Variants in MYH2 observed in about 807,000 individuals in gnomAD.
MYH2 encodes myosin-2.
MYH2 carries 139 observed loss-of-function variants against 228.1 expected under a neutral mutation model. That is an observed-to-expected ratio of 0.61 (90% CI 0.53 to 0.70). The LOEUF (loss-of-function observed/expected upper bound fraction) is 0.70, where lower values mean the gene tolerates loss of function less well. Ranked by LOEUF, MYH2 falls within the 30% of genes least tolerant of loss-of-function variation. MYH2 has a pLI of 0.00. For missense variants in MYH2, 1,809 were observed against 2,357.5 expected (o/e 0.77, Z 4.82); for synonymous variants, 796 against 871.1 (o/e 0.91, Z 1.52).
At chr17:10,521,513 G>C in intron 39 of MYH2, 81 bp from the exon 40 acceptor site, 1 of 1,466,988 alleles carries the variant, frequency 6.8e-7, no homozygotes, top group Non-Finnish European at 9.5e-7. Flanking sequence ...AAAGGACTTG[G>C]CATCTATGGA....
intron 28 of MYH2, 78 bp from the exon 29 acceptor site, chr17:10,527,134 A>T (rs2142296154): frequency 7.4e-7 from 1 of 1,348,834 alleles, no homozygotes; most frequent in Non-Finnish European, 1.1e-6. Flanking sequence ...AGAAATTTTG[A>T]CTCTTATTTT....
At chr17:10,530,213 A>C (rs2073409084) in intron 22 of MYH2, 139 bp from the exon 23 acceptor site, 3 of 1,412,662 alleles carry the variant, frequency 2.1e-6, no homozygotes, top group Non-Finnish European at 3.0e-6. Context: ...TGTTTCATGA[A>C]CCACCCTACT....
chr17:10,529,698 T>C lies in MYH2; in HGVS notation c.2983A>G (p.Ile995Val), dbSNP rs2142300485. ...TEEMAGLDET[I>V]AKLTKEKKAL... ...TTCTTCTCCTTGGTCAGCTTAGCAA[T>C]GGTTTCATCCAGACCTGCCATCTCT... Residue 995 changes from isoleucine to valine, a missense_variant, in exon 24 of 40, where the codon ATT becomes GTT. Physicochemically the swap from Ile to Val is conservative, Grantham distance 29 (BLOSUM62 3). Around this residue, in one of 9 missense-constraint regions of MYH2, gnomAD observed 636 missense variants for 729.9 expected, o/e 0.87. Transcript: ENST00000245503. The C allele has an allele frequency of 1.9e-6, 3 of 1,613,984 alleles. No homozygotes were observed. The highest frequency in any genetic ancestry group is 2.5e-6 in the Non-Finnish European group (3 of 1,180,030).
In MYH2 at chr17:10,529,205, T is replaced by C; in HGVS notation, c.3311A>G (p.Gln1104Arg). The change falls in exon 26 of 40, where the codon CAG becomes CGG. Residue 1104 changes from glutamine (Q) to arginine (R), a missense_variant. Gln to Arg is a conservative substitution (Grantham distance 43). Transcript: ENST00000245503. ...SNLQSKIEDEQALGIQLQKKI... is the reference protein window; with the variant it reads ...SNLQSKIEDERALGIQLQKKI... Reference sequence around the variant, plus strand: ...CTTCTGCAATTGAATGCCAAGTGCCTGTTCATCTTCAATCTTGCTTTGCAG... The same window carrying C: ...CTTCTGCAATTGAATGCCAAGTGCCCGTTCATCTTCAATCTTGCTTTGCAG... The C allele has an allele frequency of 1.5e-5, 24 of 1,614,272 alleles. No individual in the cohort carries two copies. The highest frequency in any genetic ancestry group is 1.9e-5 in the Non-Finnish European group (23 of 1,180,056).
Position 10,531,669 on chromosome 17 carries a change from C to T in MYH2, c.2661G>A (p.Leu887=), listed in dbSNP as rs1049260169. 13 of 1,614,042 alleles carry T rather than the reference C, an allele frequency of 8.1e-6. No individual in the cohort carries two copies. Among genetic ancestry groups the T allele is most frequent in the Non-Finnish European group, 1.1e-5 (13 of 1,180,028 alleles). ...GGAGCTGCAAGTCATTTTTTTCTTT[C>T]AACAGCGTCACCATCTTTTCTTCCA... is the stretch of plus-strand genomic sequence containing the variant. ...KELEEKMVTL[L]KEKNDLQLQV... is the part of the protein sequence containing the mutation. Residue 887 remains leucine, a synonymous_variant, in exon 22 of 40, where the codon TTG becomes TTA. Coordinates refer to ENST00000245503, the MANE Select transcript of MYH2 (RefSeq NM_017534.6).
intron 14 of MYH2, among the ~76,000 whole-genome samples, chr17:10,538,908 G>A (rs938265811): frequency 3.3e-5 from 5 of 151,980 alleles, no homozygotes; most frequent in Non-Finnish European, 7.4e-5. Context: ...AATTATTAAC[G>A]TTTCTCAGCT....
At position 10,525,822 on chromosome 17, in the gene MYH2, G is replaced by C; in HGVS notation, c.4242C>G (p.Asn1414Lys). The C allele has an allele frequency of 6.2e-7, 1 of 1,614,108 alleles. No homozygotes were observed. Among genetic ancestry groups the C allele is most frequent in the Non-Finnish European group, 8.5e-7 (1 of 1,180,022 alleles). Residue 1414 changes from asparagine to lysine, a missense_variant, in exon 31 of 40, where the codon AAC becomes AAG. Physicochemically the swap from Asn to Lys is moderately conservative, Grantham distance 94 (BLOSUM62 0). This residue lies in a region of MYH2 where 636 missense variants were observed against 729.9 expected (regional missense o/e 0.87). Coordinates refer to ENST00000245503, the MANE Select transcript of MYH2 (RefSeq NM_017534.6). This position sits in a 1 kb window ranked among gnomAD's most constrained non-coding sequence, Gnocchi z 4.2. The stretch of plus-strand genomic sequence containing the variant: ...TCTTTTCGAGGGAAGCACATTTGGC[G>C]TTCACAGCTTCTACATGTTCCTCAG... Reference protein sequence around the residue: ...QAAEEHVEAVNAKCASLEKTK... With the variant: ...QAAEEHVEAVKAKCASLEKTK...
At chr17:10,529,525 T>C in intron 24 of MYH2, 39 bp downstream of exon 24, 1 of 1,614,216 alleles carries the variant, frequency 6.2e-7, no homozygotes, top group Non-Finnish European at 8.5e-7. Flanking sequence ...CTTATCTTCC[T>C]TTAGAAGAAA....
intron 2 of MYH2, among the ~76,000 whole-genome samples, chr17:10,548,689 C>G (rs2073664734): frequency 6.6e-6 from 1 of 152,176 alleles, no homozygotes; most frequent in Admixed American, 6.5e-5. Context: ...TCTTCTACAT[C>G]TAAGGGCTCC....
chr17:10,526,044 C>T (rs528007800), intron 30 of MYH2, among the ~76,000 whole-genome samples, 168 bp from the exon 31 acceptor site: 31 of 152,280 alleles, frequency 2.0e-4, no homozygotes, highest in African/African-American at 6.5e-4. Context: ...ACACTGGCTA[C>T]GCAGCAGTGA....
chr17:10,537,959 G>C lies in MYH2; in HGVS notation c.1417-124C>G. 6.6e-7 allele frequency: 1 copy of C among 1,511,224 alleles called. No homozygotes were observed. The highest frequency in any genetic ancestry group is 1.2e-5 in the South Asian group (1 of 82,612). The allele number at this position is 1,511,224 out of a possible 1,614,324, so 93.6% of individuals were successfully genotyped here. ...ATATTACAGATATTAAAATCACTGGGTTAAAGAGACTTTGAAATAAAAGGT... is the reference window on the plus strand; with the variant it reads ...ATATTACAGATATTAAAATCACTGGCTTAAAGAGACTTTGAAATAAAAGGT... On this transcript the variant is annotated intron_variant, in intron 14 of 39. Coordinates refer to ENST00000245503, the MANE Select transcript of MYH2 (RefSeq NM_017534.6). The surrounding 1 kb of genome is among the most constrained non-coding windows in gnomAD (Gnocchi z 4.0).
rs2142303234 is a variant in MYH2 at position 10,531,695 on chromosome 17, G to A, written c.2635C>T (p.Leu879=). The change falls in exon 22 of 40, where the codon CTG becomes TTG. Residue 879 remains leucine, a synonymous_variant. Transcript: ENST00000245503. The part of the protein sequence containing the change: ...LAKSEAKRKE[L]EEKMVTLLKE... ...AACAGCGTCACCATCTTTTCTTCCA[G>A]TTCCTTCCTTTTTGCCTCTGACTTG... 3 of 1,614,124 alleles carry A rather than the reference G, an allele frequency of 1.9e-6. No homozygotes were observed. Among genetic ancestry groups the A allele is most frequent in the Non-Finnish European group, 2.5e-6 (3 of 1,180,028 alleles).
chr17:10,521,520 T>C, intron 39 of MYH2, 88 bp from the exon 40 acceptor site: 1 of 1,353,274 alleles, frequency 7.4e-7, no homozygotes, highest in Non-Finnish European at 1.1e-6. Flanking sequence ...TTGGCATCTA[T>C]GGAGAAGCAA....
At position 10,540,615 on chromosome 17, in the gene MYH2, C is replaced by G; in HGVS notation, c.987G>C (p.Gln329His). The change falls in exon 11 of 40, where the codon CAG becomes CAC. Residue 329 changes from glutamine to histidine, a missense_variant. Gln to His is a conservative substitution (Grantham distance 24). This residue lies in a region of MYH2 where 373 missense variants were observed against 620.4 expected (regional missense o/e 0.60). Transcript: ENST00000245503. The part of the protein sequence containing the change: ...GEISVASIDD[Q>H]EELMATDSAI... ...TTACATCTGTGGCCATCAGTTCTTC[C>G]TGATCATCGATGCTGGCCACACTGA... is the stretch of plus-strand genomic sequence containing the variant. 6.2e-7 allele frequency: 1 copy of G among 1,612,836 alleles called. No homozygotes were observed. Among genetic ancestry groups the G allele is most frequent in the Non-Finnish European group, 8.5e-7 (1 of 1,178,826 alleles).
intron 21 of MYH2, among the ~76,000 whole-genome samples, chr17:10,532,148 TAGATTC>T (rs746575201): frequency 6.6e-6 from 1 of 152,176 alleles, no homozygotes; most frequent in South Asian, 2.1e-4. Context: ...CTCACCTCCG[TAGATTC>T]AGATTCAGAT....
chr17:10,524,520 G>A lies in MYH2; in HGVS notation c.5121C>T (p.Ile1707=), dbSNP rs780525531. Reference sequence around the variant, plus strand: ...TGGCATCCAGGAGCTCCTGTTCTGCGATTTTTCTGCTCCTCTCTGTCTGTT... The same window carrying A: ...TGGCATCCAGGAGCTCCTGTTCTGCAATTTTTCTGCTCCTCTCTGTCTGTT... ...TLEQTERSRK[I]AEQELLDASE... The change falls in exon 35 of 40, where the codon ATC becomes ATT. Residue 1707 remains isoleucine (I), a synonymous_variant. Coordinates refer to ENST00000245503, the MANE Select transcript of MYH2 (RefSeq NM_017534.6). This position sits in a 1 kb window ranked among gnomAD's most constrained non-coding sequence, Gnocchi z 4.7. The A allele has an allele frequency of 5.6e-6, 9 of 1,614,068 alleles. No individual in the cohort carries two copies. The highest frequency in any genetic ancestry group is 4.0e-5 in the African/African-American group (3 of 74,926).
At chr17:10,545,089 G>A (rs977499144) in intron 5 of MYH2, among the ~76,000 whole-genome samples, 2 of 151,928 alleles carry the variant, frequency 1.3e-5, no homozygotes, top group Non-Finnish European at 2.9e-5. Context: ...GAGTTTCTGA[G>A]TCATTCAAAA....
At chr17:10,530,109 A>G (rs1301186045) in intron 22 of MYH2, 35 bp from the exon 23 acceptor site, 1 of 1,613,968 alleles carries the variant, frequency 6.2e-7, no homozygotes, top group Non-Finnish European at 8.5e-7. Context: ...TTGGGAAGAA[A>G]GAATGAAATA....
chr17:10,534,900 G>A (rs975414276), intron 19 of MYH2, 173 bp downstream of exon 19: 2 of 814,090 alleles, frequency 2.5e-6, no homozygotes, highest in Non-Finnish European at 2.0e-6. Flanking sequence ...CTGGGTGACA[G>A]AGCAAGACTT....
Sources: allele counts gnomAD v4.1 joint callset (sites outside exome capture counted in the v4.1 genomes callset), GRCh38; gene constraint gnomAD v4.1.1; regional missense constraint gnomAD v4.1.1; non-coding constraint Gnocchi (gnomAD v3.1); transcripts MANE v1.5; gene names NCBI Gene and HGNC (gene_info 2026-07-23, HGNC 2026-07-21).